Variants in ARL15 observed in about 807,000 individuals in gnomAD.
ARL15 encodes ARF like GTPase 15, also known as ADP-ribosylation factor-like protein 15.
A neutral mutation model predicts 25.2 loss-of-function variants in ARL15; 19 were observed. The ratio of observed to expected loss-of-function variants is 0.75; its 90% CI spans 0.53 to 1.10. The LOEUF is 1.10. Among genes scored for constraint, ARL15 ranks in the 50% least tolerant of loss-of-function variants. The probability of loss-of-function intolerance (pLI) is 0.00; values close to 1 mark genes in which losing one functional copy is unlikely to be tolerated. For synonymous variants in ARL15, 94 were observed against 86.8 expected (o/e 1.08, Z -0.46); for missense variants, 220 against 246.0 (o/e 0.89, Z 0.71).
chr5:54,039,341 CAA>C (rs971751667), intron 4 of ARL15, among the ~76,000 whole-genome samples: 1 of 151,928 alleles, frequency 6.6e-6, no homozygotes, highest in East Asian at 1.9e-4. Flanking sequence ...TAGAGAAAAA[CAA>C]AAAGTGTAGA....
chr5:54,204,581 T>C (rs541608424), intron 1 of ARL15, among the ~76,000 whole-genome samples: 2 of 152,316 alleles, frequency 1.3e-5, no homozygotes, highest in South Asian at 4.2e-4. Flanking sequence ...AATTACCCAA[T>C]GCCCATACTT....
intron 1 of ARL15, among the ~76,000 whole-genome samples, chr5:54,215,136 C>T (rs1370925729): frequency 6.6e-6 from 1 of 152,144 alleles, no homozygotes; most frequent in African/African-American, 2.4e-5. Flanking sequence ...TGCTCCTAAG[C>T]CGCAGCCACT....
intron 4 of ARL15, among the ~76,000 whole-genome samples, chr5:54,107,647 A>T (rs530493911): frequency 2.0e-3 from 303 of 152,280 alleles, no homozygotes; most frequent in Non-Finnish European, 3.6e-3. Flanking sequence ...AATAAAAAAG[A>T]GTACGAATTG....
intron 4 of ARL15, among the ~76,000 whole-genome samples, chr5:54,003,197 G>T (rs2111732901): frequency 6.6e-6 from 1 of 152,300 alleles, no homozygotes; most frequent in Non-Finnish European, 1.5e-5. Context: ...CAAATACAAT[G>T]TACCACAGTG....
chr5:54,288,721 A>C (rs1181446265), intron 1 of ARL15, among the ~76,000 whole-genome samples: 2 of 152,230 alleles, frequency 1.3e-5, no homozygotes, highest in African/African-American at 4.8e-5. Context: ...AAAAAGAAAA[A>C]CACGCAGATG....
rs190098780 is a variant in ARL15, at chr5:54,069,709, G to A, written c.462+43493C>T. Among the ~76,000 whole-genome samples the A allele has an allele frequency of 4.0e-3, 600 of 151,592 alleles. 3 individuals are homozygous for A. The highest frequency in any genetic ancestry group is 0.014 in the African/African-American group (572 of 41,326). ...GTCACCCACGCTGGAGTACAGTGGCGCAATCTCGGCTCACTGCAACCTCTG... is the reference window on the plus strand; with the variant it reads ...GTCACCCACGCTGGAGTACAGTGGCACAATCTCGGCTCACTGCAACCTCTG... On this transcript the variant is annotated intron_variant, in intron 4 of 4. Transcript: ENST00000504924.
intron 1 of ARL15, among the ~76,000 whole-genome samples, chr5:54,223,679 C>G (rs1218472626): frequency 1.3e-5 from 2 of 152,010 alleles, no homozygotes; most frequent in South Asian, 4.2e-4. Context: ...GAAAATAGAT[C>G]CAAATAGCAT....
chr5:54,002,740 T>C (rs768172870), intron 4 of ARL15, among the ~76,000 whole-genome samples: 2 of 152,220 alleles, frequency 1.3e-5, no homozygotes, highest in Non-Finnish European at 2.9e-5. Flanking sequence ...CAGATGCATA[T>C]ATTTGCAAAT....
rs74971904 is a variant in ARL15 at position 54,288,869 on chromosome 5, C to A, written c.48+21563G>T. On this transcript the variant is annotated intron_variant, in intron 1 of 4. Transcript: ENST00000504924. ...GGGCAATAAAAACTGAATATAGGCA[C>A]CAGCTTCTCATGCATGGCAGAAACC... Among the ~76,000 whole-genome samples, 362 of 152,234 alleles carry A rather than the reference C, an allele frequency of 2.4e-3. 3 individuals carry two copies. Among genetic ancestry groups the A allele is most frequent in the African/African-American group, 8.5e-3 (352 of 41,526 alleles).
intron 1 of ARL15, among the ~76,000 whole-genome samples, chr5:54,230,664 T>A (rs1448462569): frequency 6.6e-6 from 1 of 152,164 alleles, no homozygotes. Flanking sequence ...CTGTGAGGTA[T>A]GAGCAAGTCT....
chr5:54,099,339 T>C (rs572994971), intron 4 of ARL15, among the ~76,000 whole-genome samples: 22 of 152,238 alleles, frequency 1.4e-4, no homozygotes, highest in African/African-American at 4.1e-4. Context: ...GATTTGGTTT[T>C]CCTGGTTTCC....
intron 1 of ARL15, among the ~76,000 whole-genome samples, chr5:54,182,912 T>C (rs1436611925): frequency 2.0e-5 from 3 of 149,756 alleles, no homozygotes; most frequent in Non-Finnish European, 4.5e-5. Context: ...TTTGAAGCAA[T>C]TGTGAATGGG....
chr5:54,070,369 G>A (rs1242246454), intron 4 of ARL15, among the ~76,000 whole-genome samples: 1 of 151,634 alleles, frequency 6.6e-6, no homozygotes, highest in Non-Finnish European at 1.5e-5. Context: ...CCCAGCCTGG[G>A]CGACAGAGCG....
chr5:54,004,613 T>C (rs1181581902), intron 4 of ARL15, among the ~76,000 whole-genome samples: 1 of 152,202 alleles, frequency 6.6e-6, no homozygotes, highest in Non-Finnish European at 1.5e-5. Context: ...CACACTGTTA[T>C]CCACTTATGT....
chr5:53,949,980 C>T (rs962435734), intron 4 of ARL15, among the ~76,000 whole-genome samples: 8 of 152,104 alleles, frequency 5.3e-5, no homozygotes, highest in African/African-American at 1.7e-4. Context: ...GCTTAGTTCA[C>T]GTGCAGATAT....
chr5:54,034,784 G>T (rs1212506499), intron 4 of ARL15, among the ~76,000 whole-genome samples: 1 of 151,836 alleles, frequency 6.6e-6, no homozygotes, highest in African/African-American at 2.4e-5. Flanking sequence ...TCAGCCTCCT[G>T]AGTAGCTCAG....
chr5:54,126,366 C>A (rs1049402647), intron 3 of ARL15, among the ~76,000 whole-genome samples: 1 of 152,190 alleles, frequency 6.6e-6, no homozygotes, highest in Non-Finnish European at 1.5e-5. Context: ...TCCAGCCCAA[C>A]CTCTTGAATT....
chr5:54,174,531 C>T (rs754802961), intron 1 of ARL15, among the ~76,000 whole-genome samples: 2 of 152,150 alleles, frequency 1.3e-5, no homozygotes, highest in African/African-American at 2.4e-5. Context: ...TGTATTTCCT[C>T]TCAGTCTTTT....
At chr5:54,064,504 T>A (rs929779257) in intron 4 of ARL15, among the ~76,000 whole-genome samples, 41 of 152,194 alleles carry the variant, frequency 2.7e-4, no homozygotes, top group African/African-American at 9.9e-4. Context: ...GAATTGTGCT[T>A]AGAGAAATGA....
Sources: allele counts gnomAD v4.1 joint callset (sites outside exome capture counted in the v4.1 genomes callset), GRCh38; gene constraint gnomAD v4.1.1; transcripts MANE v1.5; gene names NCBI Gene and HGNC (gene_info 2026-07-23, HGNC 2026-07-21).